Variants in HADHA observed in about 807,000 individuals in gnomAD.
The protein encoded by HADHA is trifunctional enzyme subunit alpha, mitochondrial.
A neutral mutation model predicts 91.3 loss-of-function variants in HADHA; 59 were observed. That is an observed-to-expected ratio of 0.65 (90% CI 0.52 to 0.80). The LOEUF (loss-of-function observed/expected upper bound fraction) is 0.80. Among genes scored for constraint, HADHA ranks in the 30% least tolerant of loss-of-function variants. HADHA has a pLI of 0.00. For missense variants in HADHA, 800 were observed against 927.6 expected, an observed-to-expected ratio of 0.86 and a Z score of 1.79; for synonymous variants, 320 against 338.9, an observed-to-expected ratio of 0.94 and a Z score of 0.61.
At position 26,192,320 on chromosome 2, in the gene HADHA, T is replaced by A; in HGVS notation, c.1990A>T (p.Lys664Ter). 6.4e-7 allele frequency: 1 copy of A among 1,566,624 alleles called. No homozygotes were observed. Among genetic ancestry groups the A allele is most frequent in the Non-Finnish European group, 8.8e-7 (1 of 1,136,734 alleles). Reference sequence around the variant, plus strand: ...CTCAAACGGACTTACACTTCAGACTTAGGAGGCAGCTTCAGACTCGCTAAA... The same window carrying A: ...CTCAAACGGACTTACACTTCAGACTAAGGAGGCAGCTTCAGACTCGCTAAA... ...SILASLKLPP[K>*]SEVSSDEDIQ... The change falls in exon 18 of 20, where the codon AAG (lysine) becomes TAG (stop). Residue 664 changes from lysine to a stop codon, truncating the protein, a stop_gained. Coordinates refer to ENST00000380649, the MANE Select transcript of HADHA (RefSeq NM_000182.5). LOFTEE classifies it high-confidence loss of function.
chr2:26,209,842 TC>T lies in HADHA; in HGVS notation c.1022del (p.Gly341AspfsTer31). 6.2e-7 allele frequency: 1 copy of T among 1,607,406 alleles called. No homozygotes were observed. Among genetic ancestry groups the T allele is most frequent in the Non-Finnish European group, 8.5e-7 (1 of 1,174,004 alleles). On this transcript the variant is annotated frameshift_variant, in exon 11 of 20. Transcript: ENST00000380649. LOFTEE classifies it high-confidence loss of function. ...TGCACAGGACCTGACCATGGTAGAG[TC>T]CCATCAAGGCCTTTGATTCTTTGGT... ...VMTKESKALM[G>X]LYHGQVLCKK...
intron 7 of HADHA, among the ~76,000 whole-genome samples, chr2:26,217,799 C>T (rs561692052): frequency 1.3e-5 from 2 of 151,832 alleles, no homozygotes; most frequent in African/African-American, 2.4e-5. Flanking sequence ...CCCAGCTACT[C>T]GAGAGGCTGA....
Position 26,214,907 on chromosome 2 carries a change from A to C in HADHA, c.799+146T>G. On this transcript the variant is annotated intron_variant, in intron 8 of 19. Transcript: ENST00000380649. The surrounding 1 kb of genome is among the most constrained non-coding windows in gnomAD (Gnocchi z 4.1). Reference sequence around the variant, plus strand: ...GCTTTAACTGGATAGTGTAAAGTTGAGGAGTTGTTACATCTCCTACCTAAG... The same window carrying C: ...GCTTTAACTGGATAGTGTAAAGTTGCGGAGTTGTTACATCTCCTACCTAAG... 1.2e-6 allele frequency: 1 copy of C among 817,698 alleles called. No individual in the cohort carries two copies. The highest frequency in any genetic ancestry group is 2.1e-6 in the Non-Finnish European group (1 of 472,876). The allele number at this position is 817,698 out of a possible 1,614,324, so 50.7% of individuals were successfully genotyped here.
intron 16 of HADHA, among the ~76,000 whole-genome samples, chr2:26,194,058 A>G (rs1450326599): frequency 2.0e-5 from 3 of 152,208 alleles, no homozygotes; most frequent in African/African-American, 7.2e-5. Context: ...TAATAAGGAG[A>G]TTGCATGACA....
intron 1 of HADHA, among the ~76,000 whole-genome samples, chr2:26,242,418 T>C (rs1670919545): frequency 6.6e-6 from 1 of 152,226 alleles, no homozygotes; most frequent in Admixed American, 6.5e-5. Context: ...GAAAACACAA[T>C]GCAAAGTATA....
At chr2:26,201,606 C>CTT (rs1669836531) in intron 12 of HADHA, among the ~76,000 whole-genome samples, 1 of 152,154 alleles carries the variant, frequency 6.6e-6, no homozygotes, top group Non-Finnish European at 1.5e-5. Flanking sequence ...CTAAATCACT[C>CTT]TTAAACCAGT....
chr2:26,229,153 AAC>A lies in HADHA; in HGVS notation c.676+1037_676+1038del, dbSNP rs1670552176. Among the ~76,000 whole-genome samples, 1 of 152,148 alleles carries A rather than the reference AAC, an allele frequency of 6.6e-6. No homozygotes were observed. Among genetic ancestry groups the A allele is most frequent in the South Asian group, 2.1e-4 (1 of 4,830 alleles). ...CCCGGAGTTTGAGACTAGCCTGGAA[AAC>A]AGAGTGAGATCTCGTTTCTACAAAA... On this transcript the variant is annotated intron_variant, in intron 7 of 19. Coordinates refer to ENST00000380649, the MANE Select transcript of HADHA (RefSeq NM_000182.5). This position sits in a 1 kb window ranked among gnomAD's most constrained non-coding sequence, Gnocchi z 4.3.
At chr2:26,242,715 C>T (rs770603406) in intron 1 of HADHA, among the ~76,000 whole-genome samples, 5 of 152,194 alleles carry the variant, frequency 3.3e-5, no homozygotes, top group African/African-American at 4.8e-5. Context: ...GGGTAAAAGG[C>T]AGAGCCAGGT....
At chr2:26,191,437 G>T (rs766306913) in intron 19 of HADHA, 42 bp from the exon 20 acceptor site, 1 of 1,614,122 alleles carries the variant, frequency 6.2e-7, no homozygotes. Flanking sequence ...GACGCAACAC[G>T]GGCTCCAGGC....
intron 17 of HADHA, among the ~76,000 whole-genome samples, chr2:26,193,293 CTTTTTTTTT>C (rs370942158): frequency 4.3e-5 from 5 of 115,166 alleles, no homozygotes; most frequent in South Asian, 3.1e-4. Flanking sequence ...CACATGACAT[CTTTTTTTTT>C]TTTTTTTTTT....
At chr2:26,193,820 C>G in intron 16 of HADHA, 48 bp from the exon 17 acceptor site, 1 of 1,461,660 alleles carries the variant, frequency 6.8e-7, no homozygotes, top group Non-Finnish European at 9.6e-7. Context: ...CAGCCCAAAT[C>G]CCCCCAAAGG....
chr2:26,200,122 A>G (rs1026146950), intron 13 of HADHA, among the ~76,000 whole-genome samples: 3 of 152,208 alleles, frequency 2.0e-5, no homozygotes, highest in African/African-American at 7.2e-5. Flanking sequence ...TCTATGGGCA[A>G]TAAGAGAAGA....
chr2:26,211,726 TAAAAAC>T (rs1324615702), intron 10 of HADHA, among the ~76,000 whole-genome samples: 1 of 152,232 alleles, frequency 6.6e-6, no homozygotes, highest in African/African-American at 2.4e-5. Flanking sequence ...GTTTAAAACT[TAAAAAC>T]AAACACAAAT....
intron 7 of HADHA, 152 bp from the exon 8 acceptor site, chr2:26,215,327 C>T: frequency 1.3e-6 from 1 of 749,512 alleles, no homozygotes; most frequent in South Asian, 1.4e-5. Flanking sequence ...ACCAAGAAGT[C>T]AAAGAAGGGA....
At chr2:26,217,721 T>TA (rs1235633569) in intron 7 of HADHA, among the ~76,000 whole-genome samples, 4 of 152,024 alleles carry the variant, frequency 2.6e-5, no homozygotes, top group African/African-American at 9.7e-5. Flanking sequence ...GGCAACATGG[T>TA]AAGACCTTGT....
At chr2:26,192,838 G>T (rs951836514) in intron 17 of HADHA, among the ~76,000 whole-genome samples, 9 of 152,216 alleles carry the variant, frequency 5.9e-5, no homozygotes, top group Non-Finnish European at 1.0e-4. Context: ...GAATTTGTAT[G>T]TCTAGCTAAC....
intron 13 of HADHA, 62 bp from the exon 14 acceptor site, chr2:26,197,839 T>A: frequency 2.4e-6 from 2 of 842,042 alleles, no homozygotes; most frequent in Non-Finnish European, 4.2e-6. Flanking sequence ...AGAGGCCACA[T>A]CAAAGCTAAT....
At position 26,204,065 on chromosome 2, in the gene HADHA, T is replaced by C. The variant is rs552191498; in HGVS notation, c.1217A>G (p.Lys406Arg). 32 of 1,613,942 alleles carry C rather than the reference T, an allele frequency of 2.0e-5. No individual in the cohort carries two copies. In the African/African-American group the frequency reaches 4.0e-4, roughly 20 times the overall value. The change falls in exon 12 of 20, where the codon AAA becomes AGA. Residue 406 changes from lysine to arginine, a missense_variant. By Grantham distance (26) the Lys-to-Arg change is conservative. Coordinates refer to ENST00000380649, the MANE Select transcript of HADHA (RefSeq NM_000182.5). ...CAAAGAGAGAGAGCAGGCTTACCCT[T>C]TGAACACTTGTTGCTGTCCTCGGTC... is the stretch of plus-strand genomic sequence containing the variant. ...ALDRGQQQVF[K>R]GLNDKVKKKA...
chr2:26,207,960 C>T (rs928158752), intron 11 of HADHA, among the ~76,000 whole-genome samples: 1 of 151,992 alleles, frequency 6.6e-6, no homozygotes, highest in Non-Finnish European at 1.5e-5. Context: ...AGGGGGACAC[C>T]CTATCTACAA....
Sources: allele counts gnomAD v4.1 joint callset (sites outside exome capture counted in the v4.1 genomes callset), GRCh38; gene constraint gnomAD v4.1.1; non-coding constraint Gnocchi (gnomAD v3.1); transcripts MANE v1.5; gene names NCBI Gene and HGNC (gene_info 2026-07-23, HGNC 2026-07-21).